Variants in MACROD2 observed in about 807,000 individuals in gnomAD.
The protein encoded by MACROD2 is ADP-ribose glycohydrolase MACROD2.
MACROD2 carries 36 observed loss-of-function variants against 70.4 expected under a neutral mutation model. The observed-to-expected ratio is 0.51, with a 90% CI of 0.39 to 0.68. The LOEUF is 0.68. Among genes scored for constraint, MACROD2 ranks in the 30% least tolerant of loss-of-function variants. MACROD2 has a pLI of 0.00. For missense variants in MACROD2, 496 were observed against 538.4 expected (o/e 0.92, Z 0.78); for synonymous variants, 172 against 178.8 (o/e 0.96, Z 0.30).
intron 5 of MACROD2, among the ~76,000 whole-genome samples, chr20:14,730,078 T>C (rs2071577228): frequency 6.6e-6 from 1 of 151,952 alleles, no homozygotes; most frequent in Admixed American, 6.6e-5. Flanking sequence ...ATCTAAACAA[T>C]TGCAGCCTGA....
intron 5 of MACROD2, among the ~76,000 whole-genome samples, chr20:15,165,065 T>C (rs2076374254): frequency 1.3e-5 from 2 of 152,328 alleles, no homozygotes; most frequent in South Asian, 2.1e-4. Flanking sequence ...ATGAAATATC[T>C]GCTGAGATTG....
At chr20:14,862,212 T>TATTTATACATAAATATATAA (rs2073345491) in intron 5 of MACROD2, among the ~76,000 whole-genome samples, 1 of 7,820 alleles carries the variant, frequency 1.3e-4, no homozygotes, top group African/African-American at 4.7e-4. Context: ...TATAAATATA[T>TATTTATACATAAATATATAA]ATATATATAA....
chr20:14,127,841 A>C, intron 3 of MACROD2: 1 of 470,270 alleles, frequency 2.1e-6, no homozygotes, highest in Admixed American at 2.4e-5. Context: ...AATCAATAGC[A>C]GGAAGCACCA....
At chr20:14,416,778 C>T (rs1839771928) in intron 3 of MACROD2, among the ~76,000 whole-genome samples, 1 of 152,176 alleles carries the variant, frequency 6.6e-6, no homozygotes, top group South Asian at 2.1e-4. Flanking sequence ...CCTAGGCTAT[C>T]CTGGAGTGGC....
At chr20:15,087,422 A>C (rs2075757090) in intron 5 of MACROD2, among the ~76,000 whole-genome samples, 1 of 152,076 alleles carries the variant, frequency 6.6e-6, no homozygotes, top group South Asian at 2.1e-4. Context: ...TTGCATGGAA[A>C]TATAATATAT....
At chr20:14,366,572 G>A (rs914004462) in intron 3 of MACROD2, among the ~76,000 whole-genome samples, 3 of 151,256 alleles carry the variant, frequency 2.0e-5, no homozygotes, top group African/African-American at 7.3e-5. Context: ...TCACCATGTT[G>A]GCCAGGATGG....
chr20:14,275,741 G>A (rs1381498006), intron 3 of MACROD2, among the ~76,000 whole-genome samples: 8 of 152,086 alleles, frequency 5.3e-5, no homozygotes, highest in Non-Finnish European at 1.2e-4. Context: ...ATCTGACAAA[G>A]GGCTAATATC....
chr20:14,375,536 C>T (rs1402717594), intron 3 of MACROD2, among the ~76,000 whole-genome samples: 1 of 152,064 alleles, frequency 6.6e-6, no homozygotes, highest in Admixed American at 6.6e-5. Flanking sequence ...GGTTTGGCAG[C>T]TGGGAGGTGT....
intron 8 of MACROD2, among the ~76,000 whole-genome samples, chr20:15,613,024 G>A (rs970785218): frequency 2.0e-5 from 3 of 152,086 alleles, no homozygotes. Context: ...CATTTTCCCT[G>A]TGGCAAAAAG....
At chr20:14,360,307 G>A (rs2083209535) in intron 3 of MACROD2, among the ~76,000 whole-genome samples, 1 of 152,102 alleles carries the variant, frequency 6.6e-6, no homozygotes, top group Non-Finnish European at 1.5e-5. Context: ...TAATACATGT[G>A]TTAATTAGCT....
chr20:14,828,501 G>A (rs1424179018), intron 5 of MACROD2, among the ~76,000 whole-genome samples: 3 of 152,080 alleles, frequency 2.0e-5, no homozygotes, highest in African/African-American at 7.2e-5. Flanking sequence ...TATGCATTAG[G>A]CACTCTGCAA....
At chr20:15,845,612 T>A (rs2064222446) in intron 8 of MACROD2, among the ~76,000 whole-genome samples, 1 of 152,066 alleles carries the variant, frequency 6.6e-6, no homozygotes. Context: ...GTACTAAGAA[T>A]TCACAAAATT....
intron 3 of MACROD2, among the ~76,000 whole-genome samples, chr20:14,277,690 G>A (rs558754704): frequency 6.6e-6 from 1 of 151,834 alleles, no homozygotes; most frequent in Non-Finnish European, 1.5e-5. Context: ...GCCAGGCATT[G>A]TACTCTTAAA....
intron 5 of MACROD2, among the ~76,000 whole-genome samples, chr20:15,191,723 GA>G (rs1423309653): frequency 1.3e-5 from 2 of 152,134 alleles, no homozygotes; most frequent in East Asian, 3.9e-4. Context: ...AACAGAGAAA[GA>G]AAAAAATAAA....
chr20:14,685,659 A>C (rs2070993397), intron 5 of MACROD2, among the ~76,000 whole-genome samples: 1 of 152,190 alleles, frequency 6.6e-6, no homozygotes, highest in African/African-American at 2.4e-5. Context: ...TTTATCCTGT[A>C]ATCTTCAGGG....
At chr20:14,548,484 T>C (rs11698750) in intron 4 of MACROD2, among the ~76,000 whole-genome samples, 57,100 of 58,068 alleles carry the variant, frequency 0.98, 28,127 homozygotes, top group East Asian at 1. Flanking sequence ...TTTGGGAGGC[T>C]GAGGCGGGCG....
At chr20:15,319,097 G>C (rs1198837705) in intron 6 of MACROD2, among the ~76,000 whole-genome samples, 3 of 152,106 alleles carry the variant, frequency 2.0e-5, no homozygotes, top group African/African-American at 4.8e-5. Flanking sequence ...GCTAGTGTTA[G>C]TAAACAAAGT....
intron 8 of MACROD2, among the ~76,000 whole-genome samples, chr20:15,742,323 A>G (rs937471568): frequency 2.0e-5 from 3 of 152,216 alleles, no homozygotes; most frequent in African/African-American, 7.2e-5. Context: ...AGCTGTCTAC[A>G]GAAGCAAAAC....
At chr20:14,040,650 G>A (rs543818716) in intron 2 of MACROD2, among the ~76,000 whole-genome samples, 1 of 152,152 alleles carries the variant, frequency 6.6e-6, no homozygotes, top group African/African-American at 2.4e-5. Context: ...TGAATGTGAA[G>A]TCCTGGGACA....
Sources: allele counts gnomAD v4.1 joint callset (sites outside exome capture counted in the v4.1 genomes callset), GRCh38; gene constraint gnomAD v4.1.1; transcripts MANE v1.5; gene names NCBI Gene and HGNC (gene_info 2026-07-23, HGNC 2026-07-21).